The following ANKFN1 variants were observed in gnomAD, a reference collection of about 807,000 sequenced individuals.
ANKFN1 encodes the protein ankyrin repeat and fibronectin type III domain containing 1.
ANKFN1 carries 74 observed loss-of-function variants against 108.7 expected under a neutral mutation model. The observed-to-expected ratio is 0.68, with a 90% CI of 0.56 to 0.83. ANKFN1 has a LOEUF of 0.83. Ranked by LOEUF, ANKFN1 falls within the 40% of genes least tolerant of loss-of-function variation. The probability of loss-of-function intolerance (pLI) is 0.00; values close to 1 mark genes in which losing one functional copy is unlikely to be tolerated. For missense variants in ANKFN1, 1,505 were observed against 1,382.3 expected (o/e 1.09, Z -1.41); for synonymous variants, 547 against 516.2 (o/e 1.06, Z -0.81).
chr17:56,325,970 C>T (rs73991470), intron 3 of ANKFN1, among the ~76,000 whole-genome samples: 1 of 152,152 alleles, frequency 6.6e-6, no homozygotes, highest in East Asian at 1.9e-4. Context: ...ATGGTCCTCA[C>T]GGATACAATA....
chr17:56,080,684 C>G (rs999821737), intron 4 of ANKFN1, among the ~76,000 whole-genome samples: 2 of 152,198 alleles, frequency 1.3e-5, no homozygotes, highest in African/African-American at 2.4e-5. Context: ...GCCCAGAGAG[C>G]TTAAGTAAAT....
intron 4 of ANKFN1, among the ~76,000 whole-genome samples, chr17:56,127,541 T>C (rs1907010800): frequency 6.6e-6 from 1 of 152,142 alleles, no homozygotes; most frequent in South Asian, 2.1e-4. Flanking sequence ...CTTGAACTCC[T>C]GACCTCAGGT....
At chr17:56,425,349 T>C (rs1020459122) in intron 8 of ANKFN1, among the ~76,000 whole-genome samples, 1 of 152,224 alleles carries the variant, frequency 6.6e-6, no homozygotes, top group African/African-American at 2.4e-5. Flanking sequence ...ACATCTGACA[T>C]ATATCATTGC....
chr17:56,443,817 A>G (rs1396441211), intron 10 of ANKFN1, among the ~76,000 whole-genome samples: 6 of 152,242 alleles, frequency 3.9e-5, no homozygotes, highest in South Asian at 2.1e-4. Context: ...AGATTTTTCT[A>G]TGTAATGAGC....
At chr17:56,303,975 C>G (rs1458160566) in intron 3 of ANKFN1, among the ~76,000 whole-genome samples, 1 of 151,504 alleles carries the variant, frequency 6.6e-6, no homozygotes, top group African/African-American at 2.4e-5. Flanking sequence ...GGATTACAGG[C>G]GTGAGCCACC....
intron 3 of ANKFN1, among the ~76,000 whole-genome samples, chr17:56,254,820 T>A (rs772890698): frequency 6.6e-6 from 1 of 152,098 alleles, no homozygotes; most frequent in Non-Finnish European, 1.5e-5. Flanking sequence ...GGAGGGAGGC[T>A]GATGAAGGAG....
rs148995562 is a variant in ANKFN1 at position 56,219,315 on chromosome 17, C to T, written c.12+6636C>T. Among the ~76,000 whole-genome samples, 236 of 151,918 alleles carry T rather than the reference C, an allele frequency of 1.6e-3. 1 individual carries two copies. Among genetic ancestry groups the T allele is most frequent in the African/African-American group, 5.4e-3 (223 of 41,422 alleles). On this transcript the variant is annotated intron_variant, in intron 2 of 20. Coordinates refer to ENST00000682825, the MANE Select transcript of ANKFN1 (RefSeq NM_001370326.1). ...AGGCTGGAGTTCAGTGGTGTGATTTCAGCTCACTGCAACCTCCGCCTCCTG... is the reference window on the plus strand; with the variant it reads ...AGGCTGGAGTTCAGTGGTGTGATTTTAGCTCACTGCAACCTCCGCCTCCTG...
intron 1 of ANKFN1, among the ~76,000 whole-genome samples, chr17:56,199,654 A>G (rs1913864588): frequency 6.6e-6 from 1 of 151,942 alleles, no homozygotes; most frequent in African/African-American, 2.4e-5. Context: ...TCTAACACTC[A>G]CCCCATGAAC....
rs572090419 is a variant in ANKFN1, at chr17:56,482,197, G to A, written c.2092-159G>A. Among the ~76,000 whole-genome samples, 6 of 152,216 alleles carry A rather than the reference G, an allele frequency of 3.9e-5. No homozygotes were observed. The East Asian group carries it at 1.2e-3, about 29-fold the overall frequency. On this transcript the variant is annotated intron_variant, in intron 17 of 20. Transcript: ENST00000682825. ...CTGCCTTAAATCTTGATTTTATATA[G>A]CATTATTAAATGGGCTGAACCCTAA...
chr17:56,320,424 C>A (rs2045330137), intron 3 of ANKFN1, among the ~76,000 whole-genome samples: 2 of 152,062 alleles, frequency 1.3e-5, no homozygotes, highest in African/African-American at 4.8e-5. Context: ...CCTGACTGCC[C>A]TAGAGGATAT....
chr17:56,255,772 G>A (rs76928090), intron 3 of ANKFN1, among the ~76,000 whole-genome samples: 2,636 of 152,222 alleles, frequency 0.017, 84 homozygotes, highest in African/African-American at 0.061. Flanking sequence ...AGTTTAAAAC[G>A]TTTGGGTACC....
intron 15 of ANKFN1, among the ~76,000 whole-genome samples, chr17:56,467,803 AAAGAAAGAAAG>A (rs2050162932): frequency 3.8e-5 from 1 of 26,296 alleles, no homozygotes; most frequent in Non-Finnish European, 7.2e-5. Context: ...AGAAAGAAAG[AAAGAAAGAAAG>A]AAAGAAAGAA....
chr17:56,302,033 C>G (rs1325288892), intron 3 of ANKFN1, among the ~76,000 whole-genome samples: 1 of 152,180 alleles, frequency 6.6e-6, no homozygotes, highest in African/African-American at 2.4e-5. Context: ...TAAGCCTGGT[C>G]CTGGATCATA....
Position 56,131,916 on chromosome 17 carries a change from T to G in ANKFN1, c.288+85591T>G, listed in dbSNP as rs145056810. Among the ~76,000 whole-genome samples, 4 of 152,304 alleles carry G rather than the reference T, an allele frequency of 2.6e-5. No homozygotes were observed. In the East Asian group the frequency reaches 7.7e-4, roughly 29 times the overall value. On this transcript the variant is annotated intron_variant, in intron 4 of 12. Coordinates refer to the ANKFN1 transcript ENST00000635860. ...AGTGAATCTTTGATCATATGAAGAC[T>G]CCTCTGAGGAATAGAATTATTCTGA... is the stretch of plus-strand genomic sequence containing the variant.
chr17:56,337,954 G>A (rs1351873268), intron 4 of ANKFN1, among the ~76,000 whole-genome samples: 6 of 152,126 alleles, frequency 3.9e-5, no homozygotes, highest in Non-Finnish European at 5.9e-5. Context: ...CCATTACTGG[G>A]TATATGCCCG....
chr17:56,354,079 T>C, intron 6 of ANKFN1, 33 bp downstream of exon 6: 1 of 1,600,932 alleles, frequency 6.2e-7, no homozygotes, highest in East Asian at 2.2e-5. Flanking sequence ...CATGTACTAT[T>C]AAAGCCAGAT....
rs1034620419 is a variant in ANKFN1, at chr17:56,310,222, C to G, written c.54-15999C>G. On this transcript the variant is annotated intron_variant, in intron 3 of 20. Coordinates refer to ENST00000682825, the MANE Select transcript of ANKFN1 (RefSeq NM_001370326.1). ...TTTAAAGTTTATGAATTGTTTATTTCTGGAATTTACCATTTAATATTTCCA... is the reference window on the plus strand; with the variant it reads ...TTTAAAGTTTATGAATTGTTTATTTGTGGAATTTACCATTTAATATTTCCA... Among the ~76,000 whole-genome samples the G allele has an allele frequency of 2.6e-5, 4 of 152,182 alleles. No homozygotes were observed. The East Asian group carries it at 7.7e-4, about 29-fold the overall frequency.
At chr17:56,200,086 A>G (rs936920980) in intron 1 of ANKFN1, among the ~76,000 whole-genome samples, 15 of 152,182 alleles carry the variant, frequency 9.9e-5, no homozygotes, top group Non-Finnish European at 1.9e-4. Context: ...GAATGATGGC[A>G]AGCAGATCAT....
In ANKFN1 at chr17:56,153,811, G is replaced by A. The variant is rs151287454; in HGVS notation, c.-71+281G>A. On this transcript the variant is annotated intron_variant, in intron 1 of 20. Coordinates refer to ENST00000682825, the MANE Select transcript of ANKFN1 (RefSeq NM_001370326.1). ...TCTAGAGACAAGTTTTTACTTTATGGTCTGTTTTCTCTTTTATCCTTATCA... is the reference window on the plus strand; with the variant it reads ...TCTAGAGACAAGTTTTTACTTTATGATCTGTTTTCTCTTTTATCCTTATCA... Among the ~76,000 whole-genome samples, 334 of 152,218 alleles carry A rather than the reference G, an allele frequency of 2.2e-3. 1 individual carries two copies. The highest frequency in any genetic ancestry group is 7.7e-3 in the African/African-American group (320 of 41,512).
Sources: allele counts gnomAD v4.1 joint callset (sites outside exome capture counted in the v4.1 genomes callset), GRCh38; gene constraint gnomAD v4.1.1; transcripts MANE v1.5; gene names NCBI Gene and HGNC (gene_info 2026-07-23, HGNC 2026-07-21).